The following NME7 variants were observed in gnomAD, a reference collection of about 807,000 sequenced individuals.
The protein encoded by NME7 is nucleoside diphosphate kinase 7.
In NME7, 41 loss-of-function variants were observed where a neutral mutation model predicts 49.1. The observed-to-expected ratio is 0.83, with a 90% CI of 0.65 to 1.08. The LOEUF (loss-of-function observed/expected upper bound fraction) is 1.08, where lower values mean the gene tolerates loss of function less well. Ranked by LOEUF, NME7 falls within the 50% of genes least tolerant of loss-of-function variation. NME7 has a pLI of 0.00. For missense variants in NME7, 423 were observed against 463.4 expected, an observed-to-expected ratio of 0.91 and a Z score of 0.80; for synonymous variants, 139 against 150.6, an observed-to-expected ratio of 0.92 and a Z score of 0.56.
At chr1:169,327,105 A>G (rs1321075391) in intron 1 of NME7, among the ~76,000 whole-genome samples, 1 of 152,206 alleles carries the variant, frequency 6.6e-6, no homozygotes, top group East Asian at 1.9e-4. Context: ...TGACTCAGAT[A>G]TTTCCATATC....
chr1:169,311,234 C>T (rs776929258), intron 3 of NME7, among the ~76,000 whole-genome samples: 14 of 151,676 alleles, frequency 9.2e-5, no homozygotes, highest in African/African-American at 1.7e-4. Flanking sequence ...CTGGCTAACA[C>T]GGTGAAACCC....
At chr1:169,234,233 T>C (rs546238071) in intron 9 of NME7, among the ~76,000 whole-genome samples, 52 of 152,296 alleles carry the variant, frequency 3.4e-4, no homozygotes, top group African/African-American at 1.3e-3. Flanking sequence ...TGTCCTTAGG[T>C]AGCTATGTGT....
At chr1:169,142,763 G>A (rs2101811569) in intron 11 of NME7, among the ~76,000 whole-genome samples, 1 of 152,262 alleles carries the variant, frequency 6.6e-6, no homozygotes, top group African/African-American at 2.4e-5. Flanking sequence ...TGCAGGAAAG[G>A]GGTTTAGAGG....
intron 7 of NME7, among the ~76,000 whole-genome samples, chr1:169,252,826 C>T (rs1479445934): frequency 2.0e-5 from 3 of 148,348 alleles, no homozygotes; most frequent in Non-Finnish European, 4.5e-5. Flanking sequence ...GGAATCCTTT[C>T]CCCATTGCTT....
chr1:169,287,571 T>G (rs1017114868), intron 6 of NME7, among the ~76,000 whole-genome samples, 163 bp from the exon 7 acceptor site: 1 of 152,162 alleles, frequency 6.6e-6, no homozygotes, highest in Non-Finnish European at 1.5e-5. Context: ...ACACACTGAT[T>G]AAATTAACCC....
At chr1:169,148,962 T>C (rs1462018571) in intron 11 of NME7, among the ~76,000 whole-genome samples, 2 of 152,242 alleles carry the variant, frequency 1.3e-5, no homozygotes, top group Non-Finnish European at 2.9e-5. Flanking sequence ...CAATATATTC[T>C]ATACCAATGC....
intron 1 of NME7, among the ~76,000 whole-genome samples, chr1:169,332,770 A>G (rs1652304960): frequency 6.6e-6 from 1 of 152,218 alleles, no homozygotes; most frequent in Non-Finnish European, 1.5e-5. Context: ...CTACAATGAG[A>G]TATCATCTTA....
rs1649655383 is a variant in NME7 at position 169,275,182 on chromosome 1, C to T, written c.754+12121G>A. On this transcript the variant is annotated intron_variant, in intron 7 of 11. Coordinates refer to ENST00000367811, the MANE Select transcript of NME7 (RefSeq NM_013330.5). ...TAGTTCTCCTTGAAGAGGTCCTTCA[C>T]GTCCCTTATAAGTCGGATTCCTACG... Among the ~76,000 whole-genome samples the T allele has an allele frequency of 1.5e-5, 2 of 131,900 alleles. 1 individual carries two copies. The highest frequency in any genetic ancestry group is 3.5e-5 in the Non-Finnish European group (2 of 56,502). 86.5% of individuals were successfully genotyped at this position (131,900 alleles called of 152,430 possible). A position where few individuals can be genotyped will look rare whatever the true frequency, so the allele number is the denominator to read the frequency against.
chr1:169,343,494 T>TC (rs201678882), intron 1 of NME7, among the ~76,000 whole-genome samples: 9 of 137,922 alleles, frequency 6.5e-5, no homozygotes, highest in African/African-American at 2.5e-4. Context: ...ACATTGTCTC[T>TC]TTTTTTTTTT....
intron 10 of NME7, among the ~76,000 whole-genome samples, chr1:169,183,664 T>G (rs1659988934): frequency 6.7e-6 from 1 of 149,932 alleles, no homozygotes; most frequent in South Asian, 2.1e-4. Flanking sequence ...TAGCCGGGCA[T>G]GGTGGCAGGC....
chr1:169,136,173 G>A (rs1448961309), intron 11 of NME7, among the ~76,000 whole-genome samples: 1 of 152,138 alleles, frequency 6.6e-6, no homozygotes, highest in African/African-American at 2.4e-5. Flanking sequence ...GCTTCAAGGA[G>A]TATGGAACAA....
At position 169,132,763 on chromosome 1, in the gene NME7, G is replaced by T. The variant is rs1571231458; in HGVS notation, c.*22C>A. ...CTCTTGTCTAAATGTCCCAACCTGT[G>T]ACTTCTTTACTTTCCACACCACTAA... On this transcript the variant is annotated 3_prime_UTR_variant, in exon 12 of 12. Coordinates refer to ENST00000367811, the MANE Select transcript of NME7 (RefSeq NM_013330.5). 6.2e-7 allele frequency: 1 copy of T among 1,609,350 alleles called. No homozygotes were observed. The highest frequency in any genetic ancestry group is 1.1e-5 in the South Asian group (1 of 90,628).
At chr1:169,353,339 T>C (rs1268514182) in intron 1 of NME7, among the ~76,000 whole-genome samples, 1 of 152,086 alleles carries the variant, frequency 6.6e-6, no homozygotes, top group Non-Finnish European at 1.5e-5. Context: ...TGGGTATTTA[T>C]ACACAGAAGA....
At chr1:169,281,488 T>C (rs1271265861) in intron 7 of NME7, among the ~76,000 whole-genome samples, 5 of 152,214 alleles carry the variant, frequency 3.3e-5, no homozygotes, top group Non-Finnish European at 7.3e-5. Flanking sequence ...TCCAATACTA[T>C]GTTGAACAGG....
intron 7 of NME7, among the ~76,000 whole-genome samples, chr1:169,259,683 A>C (rs1001691294): frequency 7.4e-6 from 1 of 134,282 alleles, no homozygotes. Context: ...CTATGATGCA[A>C]AGCCAAACCT....
chr1:169,298,505 A>T, intron 6 of NME7, 51 bp downstream of exon 6: 2 of 1,560,660 alleles, frequency 1.3e-6, no homozygotes, highest in Non-Finnish European at 1.7e-6. Context: ...CTTTGATATA[A>T]AACATTTAAC....
intron 10 of NME7, among the ~76,000 whole-genome samples, chr1:169,179,603 C>T (rs917937324): frequency 1.3e-5 from 2 of 152,182 alleles, no homozygotes; most frequent in African/African-American, 2.4e-5. Context: ...TGTACATATA[C>T]ACCATGGAAT....
At chr1:169,350,355 C>A (rs1436626099) in intron 1 of NME7, among the ~76,000 whole-genome samples, 1 of 151,994 alleles carries the variant, frequency 6.6e-6, no homozygotes, top group Non-Finnish European at 1.5e-5. Context: ...GAGAGCCAGA[C>A]AGCAGGATAG....
chr1:169,274,151 T>C (rs1649606121), intron 7 of NME7, among the ~76,000 whole-genome samples: 1 of 132,068 alleles, frequency 7.6e-6, no homozygotes, highest in African/African-American at 2.6e-5. Context: ...TTTTAATGAT[T>C]GCCATTCTAA....
Sources: allele counts gnomAD v4.1 joint callset (sites outside exome capture counted in the v4.1 genomes callset), GRCh38; gene constraint gnomAD v4.1.1; transcripts MANE v1.5; gene names NCBI Gene and HGNC (gene_info 2026-07-23, HGNC 2026-07-21).